TMEM132C: variants seen among roughly 807,000 people sequenced by gnomAD.
TMEM132C encodes the protein transmembrane protein 132C, also known as protein phosphatase 1, regulatory subunit 152.
Under a neutral mutation model 61.4 loss-of-function variants are expected in TMEM132C, and 29 were observed. The ratio of observed to expected loss-of-function variants is 0.47; its 90% CI spans 0.35 to 0.64. The LOEUF (loss-of-function observed/expected upper bound fraction) is 0.64, where lower values mean the gene tolerates loss of function less well. Ranked by LOEUF, TMEM132C falls within the 30% of genes least tolerant of loss-of-function variation. TMEM132C has a pLI of 0.00. For synonymous variants in TMEM132C, 656 were observed against 633.1 expected, an observed-to-expected ratio of 1.04 and a Z score of -0.54; for missense variants, 1,408 against 1,476.9, an observed-to-expected ratio of 0.95 and a Z score of 0.76.
chr12:128,368,265 C>T (rs1350615807), intron 1 of TMEM132C, among the ~76,000 whole-genome samples: 1 of 152,180 alleles, frequency 6.6e-6, no homozygotes, highest in South Asian at 2.1e-4. Context: ...GCTTTACAGC[C>T]GGAAGCAACG....
At chr12:128,456,258 G>A (rs1870336183) in intron 2 of TMEM132C, among the ~76,000 whole-genome samples, 1 of 149,680 alleles carries the variant, frequency 6.7e-6, no homozygotes, top group Non-Finnish European at 1.5e-5. Flanking sequence ...CTTCAGAGAT[G>A]TTTGCGTGAT....
intron 3 of TMEM132C, among the ~76,000 whole-genome samples, chr12:128,571,533 T>G (rs1874883624): frequency 6.6e-6 from 1 of 152,200 alleles, no homozygotes; most frequent in African/African-American, 2.4e-5. Context: ...GGAAGCTCCG[T>G]ACCCATTAAA....
intron 5 of TMEM132C, among the ~76,000 whole-genome samples, chr12:128,687,553 A>C (rs1006894024): frequency 6.6e-5 from 10 of 152,204 alleles, no homozygotes; most frequent in African/African-American, 2.2e-4. Flanking sequence ...CTTCAGGCAA[A>C]GAGAACAGCA....
At chr12:128,272,008 C>T (rs918654791) in intron 1 of TMEM132C, among the ~76,000 whole-genome samples, 3 of 152,200 alleles carry the variant, frequency 2.0e-5, no homozygotes, top group African/African-American at 7.2e-5. Flanking sequence ...TTTTTACAGC[C>T]ATCTACTTTG....
chr12:128,590,328 T>C (rs895160391), intron 3 of TMEM132C, among the ~76,000 whole-genome samples: 1 of 152,196 alleles, frequency 6.6e-6, no homozygotes, highest in Non-Finnish European at 1.5e-5. Flanking sequence ...CAGAGATGTA[T>C]ACTCGAAAGT....
chr12:128,363,473 A>G (rs1007667386), intron 1 of TMEM132C, among the ~76,000 whole-genome samples: 8 of 152,128 alleles, frequency 5.3e-5, no homozygotes, highest in Non-Finnish European at 1.0e-4. Context: ...ACCCAATCAC[A>G]GTAAAGCTAA....
intron 1 of TMEM132C, among the ~76,000 whole-genome samples, chr12:128,303,398 T>A (rs1436692657): frequency 6.6e-6 from 1 of 152,198 alleles, no homozygotes; most frequent in East Asian, 1.9e-4. Flanking sequence ...AATGTAGGGA[T>A]CCATCGTGAC....
intron 4 of TMEM132C, among the ~76,000 whole-genome samples, chr12:128,653,629 G>A (rs1218503430): frequency 1.3e-5 from 2 of 152,048 alleles, no homozygotes; most frequent in East Asian, 1.9e-4. Context: ...TACACTTCCT[G>A]TAAATCTTCC....
intron 2 of TMEM132C, among the ~76,000 whole-genome samples, chr12:128,420,029 C>T (rs1868933436): frequency 6.6e-6 from 1 of 151,546 alleles, no homozygotes; most frequent in African/African-American, 2.4e-5. Flanking sequence ...CCTGTCTCTA[C>T]TAAAAATAAA....
intron 1 of TMEM132C, among the ~76,000 whole-genome samples, chr12:128,397,418 G>C (rs539742316): frequency 6.6e-6 from 1 of 152,166 alleles, no homozygotes; most frequent in African/African-American, 2.4e-5. Flanking sequence ...CAATTGCAAC[G>C]GTCAGGGGCC....
intron 2 of TMEM132C, among the ~76,000 whole-genome samples, chr12:128,460,631 C>T (rs903049866): frequency 6.6e-6 from 1 of 151,990 alleles, no homozygotes; most frequent in Non-Finnish European, 1.5e-5. Flanking sequence ...AAGTTGTCAC[C>T]AGAAAAAGGG....
intron 1 of TMEM132C, among the ~76,000 whole-genome samples, chr12:128,320,244 G>A (rs1872286232): frequency 1.3e-5 from 2 of 152,020 alleles, no homozygotes; most frequent in African/African-American, 2.4e-5. Context: ...GAGACTGCCT[G>A]TAAACTTTCT....
At chr12:128,533,076 G>A (rs1387154159) in intron 2 of TMEM132C, among the ~76,000 whole-genome samples, 5 of 152,222 alleles carry the variant, frequency 3.3e-5, no homozygotes, top group African/African-American at 1.2e-4. Context: ...AAGGATGCGT[G>A]TGTGCCATGC....
chr12:128,513,806 C>A (rs1872640984), intron 2 of TMEM132C, among the ~76,000 whole-genome samples: 1 of 152,108 alleles, frequency 6.6e-6, no homozygotes, highest in African/African-American at 2.4e-5. Context: ...TGGCAAAGTC[C>A]TCACATGCAC....
chr12:128,668,031 G>T (rs577125738), intron 4 of TMEM132C, among the ~76,000 whole-genome samples: 1 of 152,300 alleles, frequency 6.6e-6, no homozygotes, highest in South Asian at 2.1e-4. Context: ...CCAGCACTTC[G>T]GGAGACTGAG....
chr12:128,290,373 T>C (rs1052622601), intron 1 of TMEM132C, among the ~76,000 whole-genome samples: 1 of 151,918 alleles, frequency 6.6e-6, no homozygotes, highest in East Asian at 1.9e-4. Context: ...TGCCACACTT[T>C]TAAACTATCA....
intron 1 of TMEM132C, among the ~76,000 whole-genome samples, chr12:128,372,146 C>T (rs1439184791): frequency 6.6e-6 from 1 of 152,146 alleles, no homozygotes; most frequent in African/African-American, 2.4e-5. Context: ...GAAGGGAGGT[C>T]CTGTCTGAGA....
At chr12:128,405,090 C>G (rs1484465020) in intron 1 of TMEM132C, among the ~76,000 whole-genome samples, 1 of 147,834 alleles carries the variant, frequency 6.8e-6, no homozygotes. Flanking sequence ...TGTTTCAGGT[C>G]AATAAAAATG....
chr12:128,499,204 A>G (rs923662684), intron 2 of TMEM132C, among the ~76,000 whole-genome samples: 1 of 152,210 alleles, frequency 6.6e-6, no homozygotes, highest in African/African-American at 2.4e-5. Flanking sequence ...AATAGAATTG[A>G]AAGTCCAGAA....
Sources: allele counts gnomAD v4.1 joint callset (sites outside exome capture counted in the v4.1 genomes callset), GRCh38; gene constraint gnomAD v4.1.1; transcripts MANE v1.5; gene names NCBI Gene and HGNC (gene_info 2026-07-23, HGNC 2026-07-21).